The following LAMC1 variants were observed in gnomAD, a reference collection of about 807,000 sequenced individuals.
LAMC1 encodes laminin subunit gamma 1.
A neutral mutation model predicts 173.6 loss-of-function variants in LAMC1; 38 were observed. The observed-to-expected ratio is 0.22, with a 90% CI of 0.17 to 0.29. The LOEUF is 0.29. LAMC1 is among the 10% of genes least tolerant of loss of function. The pLI is 1.00. For synonymous variants in LAMC1, 746 were observed against 749.1 expected (o/e 1.00, Z 0.07); for missense variants, 1,824 against 2,051.8 (o/e 0.89, Z 2.14).
chr1:183,085,693 G>T (rs926469291), intron 1 of LAMC1, among the ~76,000 whole-genome samples: 3 of 152,096 alleles, frequency 2.0e-5, no homozygotes, highest in African/African-American at 7.2e-5. Context: ...GGGGCGGGGA[G>T]AATGCATTTG....
rs541306717 is a variant in LAMC1, at chr1:183,102,181, C to CTA, written c.419-1146_419-1145dup. On this transcript the variant is annotated intron_variant, in intron 1 of 27. Transcript: ENST00000258341. ...GGAATCGCTCCTTGTCTCTCAGGGA[C>CTA]TAGTGGGTACGAGGAAGTGAAAGTG... is the stretch of plus-strand genomic sequence containing the variant. 2.8e-3 allele frequency among the ~76,000 whole-genome samples: 420 copies of CTA among 152,268 alleles called. 1 individual carries two copies. The highest frequency in any genetic ancestry group is 4.9e-3 in the Non-Finnish European group (332 of 68,016).
chr1:183,062,924 G>T (rs1400947540), intron 1 of LAMC1, among the ~76,000 whole-genome samples: 2 of 152,148 alleles, frequency 1.3e-5, no homozygotes, highest in African/African-American at 2.4e-5. Flanking sequence ...CTGCACTCCA[G>T]CCTGGGCAGA....
At chr1:183,082,090 A>T (rs756712462) in intron 1 of LAMC1, among the ~76,000 whole-genome samples, 1 of 152,202 alleles carries the variant, frequency 6.6e-6, no homozygotes, top group African/African-American at 2.4e-5. Flanking sequence ...TTATCACTGG[A>T]TAATATTCCA....
At position 183,123,260 on chromosome 1, in the gene LAMC1, C is replaced by T. The variant is rs1040748062; in HGVS notation, c.2401+1009C>T. ...TTATCTCAGATCTGACCACTTTTCA[C>T]CACTTCAACTATCACCAACCTGGTT... On this transcript the variant is annotated intron_variant, in intron 13 of 27. Transcript: ENST00000258341. Among the ~76,000 whole-genome samples the T allele has an allele frequency of 1.4e-4, 21 of 152,152 alleles. 1 individual carries two copies. The highest frequency in any genetic ancestry group is 4.4e-5 in the Non-Finnish European group (3 of 68,038).
chr1:183,142,656 A>G lies in LAMC1; in HGVS notation c.4696A>G (p.Lys1566Glu). ...AGTGTCTGACCTGGAGAATGAAGCC[A>G]AGAAGCAGGAGGCTGCCATCATGGA... ...RKVSDLENEA[K>E]KQEAAIMDYN... Residue 1566 changes from lysine (K) to glutamate (E), a missense_variant, in exon 28 of 28, where the codon AAG (lysine) becomes GAG (glutamate). Transcript: ENST00000258341. 3.1e-6 allele frequency: 5 copies of G among 1,614,170 alleles called. No individual in the cohort carries two copies. The highest frequency in any genetic ancestry group is 2.7e-5 in the African/African-American group (2 of 75,060).
At chr1:183,116,230 G>A (rs1656317662) in intron 6 of LAMC1, among the ~76,000 whole-genome samples, 1 of 152,054 alleles carries the variant, frequency 6.6e-6, no homozygotes, top group Non-Finnish European at 1.5e-5. Flanking sequence ...TGTAATCCCA[G>A]CACTTTGGGA....
chr1:183,135,844 G>A (rs544714087), intron 24 of LAMC1, among the ~76,000 whole-genome samples: 132 of 148,744 alleles, frequency 8.9e-4, no homozygotes, highest in Admixed American at 2.5e-3. Context: ...AGCAGTGATT[G>A]TGCCACTGCA....
At chr1:183,137,632 C>A in intron 25 of LAMC1, 37 bp from the exon 26 acceptor site, 6 of 1,461,168 alleles carry the variant, frequency 4.1e-6, no homozygotes, top group East Asian at 2.5e-5. Flanking sequence ...AAAAGGAAAG[C>A]TTTTTTAAAA....
intron 18 of LAMC1, 173 bp downstream of exon 18, chr1:183,128,923 T>G (rs1656702594): frequency 4.8e-6 from 2 of 412,974 alleles, no homozygotes; most frequent in East Asian, 3.8e-5. Context: ...CCTGACAAAT[T>G]TACTGCTTTA....
intron 7 of LAMC1, 34 bp from the exon 8 acceptor site, chr1:183,116,728 TAAAAA>T (rs201366456): frequency 6.3e-7 from 1 of 1,594,564 alleles, no homozygotes; most frequent in Non-Finnish European, 8.6e-7. Flanking sequence ...ATATTTCAAG[TAAAAA>T]AAAAGTAACT....
Position 183,109,550 on chromosome 1 carries a change from A to G in LAMC1, c.855-938A>G, listed in dbSNP as rs150743997. Among the ~76,000 whole-genome samples the G allele has an allele frequency of 1.4e-3, 218 of 152,352 alleles. 1 individual carries two copies. Among genetic ancestry groups the G allele is most frequent in the Non-Finnish European group, 2.4e-3 (160 of 68,034 alleles). ...ATGAGCTAAACTGAAGAGTTTGGTT[A>G]TACATATGTAAAATTTCAGGTCATG... On this transcript the variant is annotated intron_variant, in intron 3 of 27. Transcript: ENST00000258341.
intron 1 of LAMC1, among the ~76,000 whole-genome samples, chr1:183,055,807 G>A (rs548236316): frequency 6.0e-5 from 9 of 151,202 alleles, no homozygotes; most frequent in Admixed American, 1.3e-4. Context: ...GGGAGACTCC[G>A]TCTCAAAAAA....
chr1:183,109,597 G>C (rs1656085675), intron 3 of LAMC1, among the ~76,000 whole-genome samples: 1 of 152,170 alleles, frequency 6.6e-6, no homozygotes. Flanking sequence ...AGTTTGTGCA[G>C]CAGTCAAGGA....
At chr1:183,080,562 G>A (rs964557594) in intron 1 of LAMC1, among the ~76,000 whole-genome samples, 6 of 152,162 alleles carry the variant, frequency 3.9e-5, no homozygotes, top group African/African-American at 1.4e-4. Flanking sequence ...TTGGGGCTTA[G>A]GATGATTGAT....
At chr1:183,105,246 AGAAAG>A (rs1461612864) in intron 2 of LAMC1, among the ~76,000 whole-genome samples, 2 of 113,704 alleles carry the variant, frequency 1.8e-5, no homozygotes, top group Non-Finnish European at 3.5e-5. Flanking sequence ...AAAAAAAAAA[AGAAAG>A]AAAGAAAAGA....
chr1:183,113,152 A>T (rs1656211541), intron 4 of LAMC1, among the ~76,000 whole-genome samples: 1 of 152,086 alleles, frequency 6.6e-6, no homozygotes, highest in Admixed American at 6.5e-5. Context: ...CTCTGCAAAA[A>T]ATTTTTTAAA....
intron 1 of LAMC1, among the ~76,000 whole-genome samples, chr1:183,095,018 A>G (rs1349738020): frequency 6.6e-6 from 1 of 151,894 alleles, no homozygotes; most frequent in Non-Finnish European, 1.5e-5. Context: ...GCTAATTTTT[A>G]TATTTTTACT....
At position 183,128,704 on chromosome 1, in the gene LAMC1, A is replaced by C; in HGVS notation, c.3234A>C (p.Ala1078=). 1 of 1,613,600 alleles carries C rather than the reference A, an allele frequency of 6.2e-7. No homozygotes were observed. The highest frequency in any genetic ancestry group is 1.1e-5 in the South Asian group (1 of 90,998). The part of the protein sequence containing the change: ...DQAFEDRLKE[A]EREVMDLLRE... ...CCTTCGAGGATAGACTAAAGGAAGC[A>C]GAGAGGGAAGTTATGGACCTCCTTC... Residue 1078 remains alanine, a synonymous_variant, in exon 18 of 28, where the codon GCA becomes GCC. Coordinates refer to ENST00000258341, the MANE Select transcript of LAMC1 (RefSeq NM_002293.4).
In LAMC1 at chr1:183,077,776, G is replaced by GTGTGTGTGTGTATATATA; in HGVS notation, c.419-25551_419-25550insGTGTGTGTGTATATATAT. ...TGAATAGTATTTTTATGGCCATTGTGTATATATATATATATATATACAGTA... is the reference window on the plus strand; with the variant it reads ...TGAATAGTATTTTTATGGCCATTGTGTGTGTGTGTGTATATATATATATATATATATATATATACAGTA... On this transcript the variant is annotated intron_variant, in intron 1 of 27. Transcript: ENST00000258341. Among the ~76,000 whole-genome samples the GTGTGTGTGTGTATATATA allele has an allele frequency of 2.7e-4, 32 of 116,552 alleles. 1 individual carries two copies. The highest frequency in any genetic ancestry group is 2.4e-3 in the East Asian group (9 of 3,718). The allele number at this position is 116,552 out of a possible 152,430, so 76.5% of individuals were successfully genotyped here.
Sources: gnomAD v4.1 joint callset for allele counts (sites outside exome capture counted in the v4.1 genomes callset) on GRCh38, gnomAD v4.1.1 for gene constraint, MANE v1.5 for transcripts, NCBI Gene and HGNC (gene_info 2026-07-23, HGNC 2026-07-21) for gene names.